The following PLAC1 variants were observed in gnomAD, a reference collection of about 807,000 sequenced individuals.
PLAC1 encodes placenta associated 1.
For synonymous variants in PLAC1, 68 were observed against 62.1 expected (o/e 1.09, Z -0.44); for missense variants, 136 against 163.2 (o/e 0.83, Z 0.91).
At chrX:134,761,408 AACCCCC>A (rs937672204) in intron 1 of PLAC1, among the ~76,000 whole-genome samples, 2 of 112,048 alleles carry the variant, frequency 1.8e-5, no homozygotes, top group Admixed American at 1.9e-4. Context: ...ATATTTTCAG[AACCCCC>A]AAATCATCCC....
intron 2 of PLAC1, among the ~76,000 whole-genome samples, chrX:134,710,405 G>C (rs1419285817): frequency 8.9e-6 from 1 of 111,828 alleles, no homozygotes; most frequent in Non-Finnish European, 1.9e-5. Flanking sequence ...AGAGCAACCT[G>C]CCAGTGCCCA....
intron 2 of PLAC1, among the ~76,000 whole-genome samples, chrX:134,677,546 C>T: frequency 9.0e-6 from 1 of 110,801 alleles, no homozygotes; most frequent in Non-Finnish European, 1.9e-5. Flanking sequence ...CCTAGAGGAA[C>T]AGCTGGTGCA....
intron 2 of PLAC1, among the ~76,000 whole-genome samples, chrX:134,681,521 G>C (rs898784137): frequency 8.9e-6 from 1 of 111,878 alleles, no homozygotes; most frequent in African/African-American, 3.2e-5. Flanking sequence ...TTATTAAAAA[G>C]CTATGCTGTG....
At chrX:134,598,243 T>C (rs2078071289) in intron 2 of PLAC1, among the ~76,000 whole-genome samples, 1 of 112,018 alleles carries the variant, frequency 8.9e-6, no homozygotes, top group Admixed American at 9.5e-5. Flanking sequence ...CATACTCGTG[T>C]AGCTTGTGAG....
intron 1 of PLAC1, among the ~76,000 whole-genome samples, chrX:134,741,884 T>C (rs2147847800): frequency 9.0e-6 from 1 of 110,977 alleles, no homozygotes; most frequent in South Asian, 3.9e-4. Flanking sequence ...TTGGAAGAAG[T>C]CAGCCCTTGC....
chrX:134,618,653 C>A (rs1042215714), intron 1 of PLAC1, among the ~76,000 whole-genome samples: 3 of 111,851 alleles, frequency 2.7e-5, no homozygotes, highest in South Asian at 7.6e-4. Context: ...TGGGCTCCAG[C>A]GATCTGCCCA....
At chrX:134,578,655 T>C (rs2077957691) in intron 2 of PLAC1, among the ~76,000 whole-genome samples, 1 of 105,754 alleles carries the variant, frequency 9.5e-6, no homozygotes, top group South Asian at 4.4e-4. Context: ...GTAGCTGGGA[T>C]CGCCTGGCTA....
intron 2 of PLAC1, among the ~76,000 whole-genome samples, chrX:134,694,323 CT>C (rs2078555000): frequency 8.9e-6 from 1 of 111,987 alleles, no homozygotes; most frequent in South Asian, 3.8e-4. Flanking sequence ...TCCAAGCTCC[CT>C]AGAAGATGGA....
intron 1 of PLAC1, among the ~76,000 whole-genome samples, chrX:134,653,547 T>G (rs891832540): frequency 2.7e-5 from 3 of 111,420 alleles, no homozygotes; most frequent in Non-Finnish European, 5.7e-5. Context: ...TTGCTCTACC[T>G]TGTCCCAATG....
At chrX:134,576,460 C>G (rs1229270812) in intron 2 of PLAC1, among the ~76,000 whole-genome samples, 4 of 107,099 alleles carry the variant, frequency 3.7e-5, no homozygotes, top group African/African-American at 1.4e-4. Context: ...CGCTTGAACC[C>G]AGGAGGCGGA....
chrX:134,645,460 A>G (rs987391020), intron 1 of PLAC1, among the ~76,000 whole-genome samples: 8 of 111,577 alleles, frequency 7.2e-5, no homozygotes, highest in African/African-American at 2.6e-4. Flanking sequence ...CATGCTCCTA[A>G]CCACCCCTCT....
chrX:134,684,803 A>T (rs904293763), intron 2 of PLAC1, among the ~76,000 whole-genome samples: 2 of 112,033 alleles, frequency 1.8e-5, no homozygotes, highest in Non-Finnish European at 3.8e-5. Flanking sequence ...GGGGGGAGAT[A>T]ATTAGAGCCT....
chrX:134,737,859 G>A (rs1264762792), intron 1 of PLAC1, among the ~76,000 whole-genome samples: 1 of 112,508 alleles, frequency 8.9e-6, no homozygotes, highest in African/African-American at 3.2e-5. Context: ...GAGTTAATTC[G>A]CTGAAGGCAA....
chrX:134,575,551 T>C (rs1268801471), intron 2 of PLAC1, among the ~76,000 whole-genome samples: 1 of 109,103 alleles, frequency 9.2e-6, no homozygotes, highest in Admixed American at 9.8e-5. Flanking sequence ...GGGTAGATCA[T>C]GAGGTCAGGA....
intron 1 of PLAC1, among the ~76,000 whole-genome samples, chrX:134,655,091 T>G (rs192205727): frequency 2.5e-4 from 28 of 111,755 alleles, no homozygotes; most frequent in African/African-American, 9.1e-4. Context: ...TGGTTACTTC[T>G]GGGAAGGAGT....
intron 2 of PLAC1, 113 bp from the exon 3 acceptor site, chrX:134,566,853 A>G: frequency 2.4e-6 from 1 of 418,851 alleles, no homozygotes. Flanking sequence ...AGAGGAAAAC[A>G]CTCATTTGAG....
chrX:134,566,204 T>C lies in PLAC1; in HGVS notation c.479A>G (p.Asn160Ser). 3 of 1,211,525 alleles carry C rather than the reference T, an allele frequency of 2.5e-6. No homozygotes were observed. The highest frequency in any genetic ancestry group is 2.2e-6 in the Non-Finnish European group (2 of 895,396). Residue 160 changes from asparagine (N) to serine (S), a missense_variant, in exon 3 of 3, where the codon AAC becomes AGC. Asn to Ser is a conservative substitution (Grantham distance 46, BLOSUM62 1). Transcript: ENST00000359237. The stretch of plus-strand genomic sequence containing the variant: ...GAAGACACAAGGTGGACAATCGCAG[T>C]TGGGCCTTTGACTGGACTGTGACAA... ...FSLSQSSQRP[N>S]CDCPPCVFSE...
intron 1 of PLAC1, among the ~76,000 whole-genome samples, chrX:134,624,887 G>C (rs983099105): frequency 2.9e-5 from 3 of 104,295 alleles, no homozygotes; most frequent in African/African-American, 1.1e-4. Flanking sequence ...TAATGAAGCA[G>C]ATAGATAGAT....
intron 2 of PLAC1, among the ~76,000 whole-genome samples, chrX:134,570,861 A>T (rs1831397257): frequency 8.9e-6 from 1 of 112,207 alleles, no homozygotes; most frequent in South Asian, 3.7e-4. Context: ...TTTTTTCAAG[A>T]ACTCCCTAAT....
Sources: allele counts gnomAD v4.1 joint callset (sites outside exome capture counted in the v4.1 genomes callset), GRCh38; gene constraint gnomAD v4.1.1; transcripts MANE v1.5; gene names NCBI Gene and HGNC (gene_info 2026-07-23, HGNC 2026-07-21).